The following CAPZB variants were observed in gnomAD, a reference collection of about 807,000 sequenced individuals.
CAPZB encodes capping actin protein of muscle Z-line subunit beta, also known as F-actin-capping protein subunit beta.
In CAPZB, 2 loss-of-function variants were observed where a neutral mutation model predicts 38.1. The observed-to-expected ratio is 0.05, with a 90% CI of 0.02 to 0.17. CAPZB has a LOEUF of 0.17. Among genes scored for constraint, CAPZB ranks in the 10% least tolerant of loss-of-function variants. CAPZB has a pLI of 1.00. For synonymous variants in CAPZB, 107 were observed against 127.4 expected (o/e 0.84, Z 1.08); for missense variants, 161 against 334.2 (o/e 0.48, Z 4.04).
intron 8 of CAPZB, among the ~76,000 whole-genome samples, chr1:19,343,296 C>T (rs1240463810): frequency 1.3e-5 from 2 of 152,244 alleles, no homozygotes; most frequent in Non-Finnish European, 2.9e-5. Context: ...AGGACTCCTC[C>T]TCTGTTTTAA....
chr1:19,427,993 G>A (rs1456686097), intron 1 of CAPZB, among the ~76,000 whole-genome samples: 1 of 152,200 alleles, frequency 6.6e-6, no homozygotes, highest in African/African-American at 2.4e-5. Context: ...AAAACCCTGG[G>A]AGATGGCAGG....
At position 19,346,817 on chromosome 1, in the gene CAPZB, CTTTTTTTTT is replaced by C. The variant is rs34733600; in HGVS notation, c.589-1574_589-1566del. 2.2e-3 allele frequency among the ~76,000 whole-genome samples: 185 copies of C among 84,100 alleles called. 1 individual carries two copies. The highest frequency in any genetic ancestry group is 7.8e-3 in the African/African-American group (175 of 22,382). The allele number at this position is 84,100 out of a possible 152,430, so 55.2% of individuals were successfully genotyped here. On this transcript the variant is annotated intron_variant, in intron 6 of 8. Transcript: ENST00000264202. The stretch of plus-strand genomic sequence containing the variant: ...GCGGCAGCACTGACCCGACTTTTGT[CTTTTTTTTT>C]TTTTTTTTTTTTTTGAGACGGAGTT...
At chr1:19,484,759 G>A (rs757457277) in intron 1 of CAPZB, 6 of 1,022,254 alleles carry the variant, frequency 5.9e-6, no homozygotes, top group Non-Finnish European at 7.1e-6. Flanking sequence ...TACGCTAGGA[G>A]TGGCGAAAAG....
intron 4 of CAPZB, among the ~76,000 whole-genome samples, chr1:19,368,554 T>G (rs928084957): frequency 7.1e-6 from 1 of 139,934 alleles, no homozygotes; most frequent in Non-Finnish European, 1.5e-5. Flanking sequence ...ACCCGCTGGG[T>G]GACCAGGAAT....
intron 1 of CAPZB, among the ~76,000 whole-genome samples, chr1:19,463,697 T>TAAGGG (rs1002107426): frequency 1.3e-5 from 2 of 152,100 alleles, no homozygotes; most frequent in African/African-American, 4.8e-5. Context: ...GGAAGACCAC[T>TAAGGG]TGGCACCCTT....
At position 19,357,404 on chromosome 1, in the gene CAPZB, G is replaced by A. The variant is rs759902988; in HGVS notation, c.471+18C>T. 6.2e-7 allele frequency: 1 copy of A among 1,612,928 alleles called. No individual in the cohort carries two copies. The highest frequency in any genetic ancestry group is 1.1e-5 in the South Asian group (1 of 91,034). On this transcript the variant is annotated intron_variant, in intron 5 of 8. Transcript: ENST00000264202. This position sits in a 1 kb window ranked among gnomAD's most constrained non-coding sequence, Gnocchi z 4.3. ...CTGTACTTAGTGGCCCGGGCCACCAGCTGCTGGGAGGCAGTACCTGCACTT... is the reference window on the plus strand; with the variant it reads ...CTGTACTTAGTGGCCCGGGCCACCAACTGCTGGGAGGCAGTACCTGCACTT...
intron 8 of CAPZB, chr1:19,342,726 G>C (rs1312477759): frequency 1.4e-6 from 2 of 1,420,500 alleles, no homozygotes; most frequent in South Asian, 2.3e-5. Flanking sequence ...TAGTGGGGAG[G>C]GTCTCGCGGC....
At chr1:19,408,718 C>G (rs542532972) in intron 2 of CAPZB, among the ~76,000 whole-genome samples, 1 of 152,328 alleles carries the variant, frequency 6.6e-6, no homozygotes, top group East Asian at 1.9e-4. Flanking sequence ...CAGGCCTGCA[C>G]TTCGCAGAGT....
At chr1:19,438,571 C>G (rs2094465676) in intron 1 of CAPZB, among the ~76,000 whole-genome samples, 1 of 152,162 alleles carries the variant, frequency 6.6e-6, no homozygotes, top group African/African-American at 2.4e-5. Flanking sequence ...GAAAAATGAC[C>G]AATGAGGCTT....
intron 6 of CAPZB, among the ~76,000 whole-genome samples, chr1:19,350,352 G>T (rs943950257): frequency 6.6e-6 from 1 of 152,278 alleles, no homozygotes; most frequent in Non-Finnish European, 1.5e-5. Flanking sequence ...GGCCTAGAGC[G>T]GGACTTGCCA....
In CAPZB at chr1:19,339,439, G is replaced by A. The variant is rs879072937; in HGVS notation, c.*91C>T. 2 of 908,710 alleles carry A rather than the reference G, an allele frequency of 2.2e-6. No individual in the cohort carries two copies. Among genetic ancestry groups the A allele is most frequent in the Non-Finnish European group, 3.7e-6 (2 of 538,376 alleles). The allele number at this position is 908,710 out of a possible 1,614,324, so 56.3% of individuals were successfully genotyped here. A position where few individuals can be genotyped will look rare whatever the true frequency, so the allele number is the denominator to read the frequency against. On this transcript the variant is annotated 3_prime_UTR_variant, in exon 9 of 9. Transcript: ENST00000264202. ...AGCTGTTATGTGACCTGTCGGGGAG[G>A]GAAGGGACGAGGGAAGGGAGCAGAA...
chr1:19,352,715 C>T (rs963370159), intron 6 of CAPZB, among the ~76,000 whole-genome samples: 8 of 152,256 alleles, frequency 5.3e-5, no homozygotes, highest in South Asian at 2.1e-4. Flanking sequence ...CTCACTGCTG[C>T]GGGAATTTGC....
chr1:19,421,794 C>T (rs754516581), intron 1 of CAPZB, among the ~76,000 whole-genome samples: 2 of 152,200 alleles, frequency 1.3e-5, no homozygotes, highest in African/African-American at 4.8e-5. Context: ...AATGGGAACA[C>T]AGTATCTTCC....
intron 2 of CAPZB, among the ~76,000 whole-genome samples, chr1:19,414,086 G>C (rs2094368819): frequency 6.6e-6 from 1 of 151,932 alleles, no homozygotes; most frequent in African/African-American, 2.4e-5. Context: ...TTCACGGAGA[G>C]CAGGTTTTTG....
At chr1:19,413,196 C>A (rs980151829) in intron 2 of CAPZB, among the ~76,000 whole-genome samples, 1 of 152,142 alleles carries the variant, frequency 6.6e-6, no homozygotes, top group Non-Finnish European at 1.5e-5. Flanking sequence ...GCATTTTGAC[C>A]CGTGGAGGAG....
chr1:19,463,493 A>G (rs1014225560), intron 1 of CAPZB, among the ~76,000 whole-genome samples: 1 of 152,214 alleles, frequency 6.6e-6, no homozygotes, highest in South Asian at 2.1e-4. Context: ...TGGCATCAGA[A>G]TACCAAAATA....
At chr1:19,353,375 C>T (rs910210909) in intron 6 of CAPZB, among the ~76,000 whole-genome samples, 6 of 152,090 alleles carry the variant, frequency 3.9e-5, no homozygotes, top group Admixed American at 3.9e-4. Context: ...AGGAGGAACT[C>T]GAGTGAGGGG....
At chr1:19,402,297 C>T (rs1006440983) in intron 2 of CAPZB, among the ~76,000 whole-genome samples, 2 of 152,218 alleles carry the variant, frequency 1.3e-5, no homozygotes, top group Non-Finnish European at 2.9e-5. Flanking sequence ...GGCAACAAGG[C>T]CACTGCCTCC....
At chr1:19,477,094 T>C (rs1223542153) in intron 1 of CAPZB, among the ~76,000 whole-genome samples, 3 of 152,184 alleles carry the variant, frequency 2.0e-5, no homozygotes, top group Non-Finnish European at 1.5e-5. Flanking sequence ...TTACAGACAA[T>C]GACTGTGGGC....
Sources: allele counts gnomAD v4.1 joint callset (sites outside exome capture counted in the v4.1 genomes callset), GRCh38; gene constraint gnomAD v4.1.1; non-coding constraint Gnocchi (gnomAD v3.1); transcripts MANE v1.5; gene names NCBI Gene and HGNC (gene_info 2026-07-23, HGNC 2026-07-21).